PRDM11: variants seen among roughly 807,000 people sequenced by gnomAD.
The protein encoded by PRDM11 is PR/SET domain 11, also known as PR domain-containing protein 11.
Under a neutral mutation model 97.8 loss-of-function variants are expected in PRDM11, and 20 were observed. That is an observed-to-expected ratio of 0.20 (90% CI 0.14 to 0.30). The LOEUF (loss-of-function observed/expected upper bound fraction) is 0.30. Among genes scored for constraint, PRDM11 ranks in the 10% least tolerant of loss-of-function variants. The pLI is 1.00. For synonymous variants in PRDM11, 599 were observed against 637.7 expected, an observed-to-expected ratio of 0.94 and a Z score of 0.91; for missense variants, 1,139 against 1,555.2, an observed-to-expected ratio of 0.73 and a Z score of 4.50.
chr11:45,122,777 T>C (rs969647035), intron 1 of PRDM11, among the ~76,000 whole-genome samples: 1 of 152,194 alleles, frequency 6.6e-6, no homozygotes, highest in Non-Finnish European at 1.5e-5. Flanking sequence ...GTCTTTGCTA[T>C]TGTGAATAGT....
At chr11:45,200,806 T>C (rs1173172313) in intron 4 of PRDM11, among the ~76,000 whole-genome samples, 3 of 152,154 alleles carry the variant, frequency 2.0e-5, no homozygotes, top group African/African-American at 7.2e-5. Context: ...CTCTTTTTAG[T>C]TTTCTGAGAT....
intron 4 of PRDM11, among the ~76,000 whole-genome samples, chr11:45,196,373 C>T (rs1422669075): frequency 2.0e-5 from 3 of 152,142 alleles, no homozygotes; most frequent in Non-Finnish European, 1.5e-5. Context: ...GCCCTGTTAA[C>T]TACGTTCTTC....
In PRDM11 at chr11:45,226,238, A is replaced by G. The variant is rs1854272431; in HGVS notation, c.1613A>G (p.Gln538Arg). 5 of 1,534,020 alleles carry G rather than the reference A, an allele frequency of 3.3e-6. No homozygotes were observed. The highest frequency in any genetic ancestry group is 4.4e-6 in the Non-Finnish European group (5 of 1,146,748). ...CACGTCTGCCGCCAGTACACGGTGCAGTCCTCACGCACCTCGGCCTTCATC... is the reference window on the plus strand; with the variant it reads ...CACGTCTGCCGCCAGTACACGGTGCGGTCCTCACGCACCTCGGCCTTCATC... ...WCHVCRQYTV[Q>R]SSRTSAFIIG... is the part of the protein sequence containing the mutation. The change falls in exon 8 of 8, where the codon CAG (glutamine) becomes CGG (arginine). Residue 538 changes from glutamine to arginine, a missense_variant. Gln to Arg is a conservative substitution (Grantham distance 43). Around this residue, in one of 2 missense-constraint regions of PRDM11, gnomAD observed 710 missense variants for 1,044.9 expected, o/e 0.68. Coordinates refer to ENST00000683152, the MANE Select transcript of PRDM11 (RefSeq NM_001384648.1).
At chr11:45,145,358 C>A (rs2135672254), upstream of PRDM11, among the ~76,000 whole-genome samples, 1 of 152,290 alleles carries the variant, frequency 6.6e-6, no homozygotes, top group East Asian at 1.9e-4. Flanking sequence ...TCACCCCCAC[C>A]GCCTCCAGCT....
intron 1 of PRDM11, among the ~76,000 whole-genome samples, chr11:45,140,534 G>A (rs1851379050): frequency 6.6e-6 from 1 of 152,128 alleles, no homozygotes; most frequent in African/African-American, 2.4e-5. Flanking sequence ...ATTATCTTCA[G>A]AAGAGCCCCC....
chr11:45,162,392 C>G (rs1212947168), intron 1 of PRDM11, among the ~76,000 whole-genome samples: 4 of 152,036 alleles, frequency 2.6e-5, no homozygotes, highest in African/African-American at 9.7e-5. Context: ...AAGGGCCTCT[C>G]TGAGCTAGTG....
At chr11:45,185,921 G>A (rs994229571) in intron 4 of PRDM11, among the ~76,000 whole-genome samples, 2 of 152,060 alleles carry the variant, frequency 1.3e-5, no homozygotes, top group Non-Finnish European at 2.9e-5. Flanking sequence ...TAAGAGGGAG[G>A]TGGGAGGCTC....
chr11:45,162,012 A>G (rs1486005341), intron 1 of PRDM11, among the ~76,000 whole-genome samples: 1 of 152,220 alleles, frequency 6.6e-6, no homozygotes, highest in Non-Finnish European at 1.5e-5. Context: ...CAGTCTTGGC[A>G]AAAGGTTCCT....
rs542269864 is a variant in PRDM11, at chr11:45,226,638, C to T, written c.2013C>T (p.Ala671=). ...ILDGQSDDLL[A]DTVAVYVQYT... is the part of the protein sequence containing the mutation. ...ATGGGCAGAGCGACGACCTGCTGGCCGACACGGTGGCTGTCTATGTTCAGT... is the reference window on the plus strand; with the variant it reads ...ATGGGCAGAGCGACGACCTGCTGGCTGACACGGTGGCTGTCTATGTTCAGT... Residue 671 remains alanine (A), a synonymous_variant, in exon 8 of 8, where the codon GCC becomes GCT. Transcript: ENST00000683152. The T allele has an allele frequency of 4.0e-5, 61 of 1,533,994 alleles. No homozygotes were observed. Among genetic ancestry groups the T allele is most frequent in the African/African-American group, 3.1e-4 (23 of 73,112 alleles).
intron 1 of PRDM11, among the ~76,000 whole-genome samples, chr11:45,102,811 A>C (rs569189821): frequency 6.6e-6 from 1 of 152,340 alleles, no homozygotes; most frequent in Non-Finnish European, 1.5e-5. Flanking sequence ...CAGCCAAGGT[A>C]ATCAGTTCAA....
chr11:45,135,741 C>A (rs1470237687), intron 1 of PRDM11, among the ~76,000 whole-genome samples: 1 of 152,174 alleles, frequency 6.6e-6, no homozygotes, highest in Non-Finnish European at 1.5e-5. Context: ...CAATTCTCCT[C>A]AAATTAACCT....
At chr11:45,176,356 G>A (rs1159830256) in intron 1 of PRDM11, among the ~76,000 whole-genome samples, 2 of 152,124 alleles carry the variant, frequency 1.3e-5, no homozygotes, top group South Asian at 2.1e-4. Flanking sequence ...CAGCCTGATC[G>A]ACAGAGCGAG....
At chr11:45,190,078 T>G (rs1852854118) in intron 4 of PRDM11, among the ~76,000 whole-genome samples, 1 of 152,032 alleles carries the variant, frequency 6.6e-6, no homozygotes, top group Non-Finnish European at 1.5e-5. Context: ...TGCTAACACT[T>G]TATACCCATT....
chr11:45,171,107 TG>T (rs1455553299), intron 1 of PRDM11, among the ~76,000 whole-genome samples: 15 of 152,092 alleles, frequency 9.9e-5, no homozygotes, highest in African/African-American at 3.4e-4. Flanking sequence ...TTTGTTGTTT[TG>T]TTTTTTTTTG....
chr11:45,173,179 G>T (rs527746554), intron 1 of PRDM11, among the ~76,000 whole-genome samples: 1 of 152,216 alleles, frequency 6.6e-6, no homozygotes, highest in Non-Finnish European at 1.5e-5. Context: ...CCCTGGTGCT[G>T]GGCAAAGGCT....
intron 1 of PRDM11, among the ~76,000 whole-genome samples, chr11:45,160,203 C>G (rs1235494717): frequency 6.6e-6 from 1 of 152,180 alleles, no homozygotes; most frequent in Non-Finnish European, 1.5e-5. Flanking sequence ...TTCCCTCCAC[C>G]CCAAGAGAGC....
chr11:45,184,458 A>G (rs1399922117), intron 4 of PRDM11, among the ~76,000 whole-genome samples: 1 of 152,194 alleles, frequency 6.6e-6, no homozygotes, highest in African/African-American at 2.4e-5. Context: ...GGAGTTCTGT[A>G]GTCGGCAATG....
upstream of PRDM11, among the ~76,000 whole-genome samples, chr11:45,142,507 C>T (rs1851427566): frequency 6.6e-6 from 1 of 152,186 alleles, no homozygotes; most frequent in South Asian, 2.1e-4. Flanking sequence ...CACTCCCACG[C>T]CACTATTCCC....
intron 5 of PRDM11, among the ~76,000 whole-genome samples, chr11:45,217,274 C>T (rs1378484436): frequency 6.6e-6 from 1 of 152,124 alleles, no homozygotes; most frequent in Non-Finnish European, 1.5e-5. Context: ...AGTGACTTCT[C>T]TCACTCCAAA....
Sources: allele counts gnomAD v4.1 joint callset (sites outside exome capture counted in the v4.1 genomes callset), GRCh38; gene constraint gnomAD v4.1.1; regional missense constraint gnomAD v4.1.1; transcripts MANE v1.5; gene names NCBI Gene and HGNC (gene_info 2026-07-23, HGNC 2026-07-21).